Variants in PCDH7 observed in about 807,000 individuals in gnomAD.
The protein encoded by PCDH7 is protocadherin-7.
In PCDH7, 17 loss-of-function variants were observed where a neutral mutation model predicts 58.9. The observed-to-expected ratio is 0.29, with a 90% CI of 0.20 to 0.43. PCDH7 has a LOEUF of 0.43. PCDH7 is among the 20% of genes least tolerant of loss of function. The probability of loss-of-function intolerance (pLI) is 1.00; values close to 1 mark genes in which losing one functional copy is unlikely to be tolerated. For synonymous variants in PCDH7, 664 were observed against 616.4 expected (o/e 1.08, Z -1.14); for missense variants, 1,274 against 1,441.0 (o/e 0.88, Z 1.88).
intron 1 of PCDH7, among the ~76,000 whole-genome samples, chr4:30,773,925 T>C (rs1402221817): frequency 6.6e-6 from 1 of 152,140 alleles, no homozygotes; most frequent in Non-Finnish European, 1.5e-5. Flanking sequence ...TTTTATGACA[T>C]TGGAAGACAA....
At chr4:31,123,877 G>A (rs967785656) in intron 3 of PCDH7, among the ~76,000 whole-genome samples, 1 of 152,008 alleles carries the variant, frequency 6.6e-6, no homozygotes, top group South Asian at 2.1e-4. Context: ...CTCTCCAACC[G>A]TCCCCAGCCA....
At chr4:31,045,360 A>G (rs1459295981) in intron 3 of PCDH7, among the ~76,000 whole-genome samples, 1 of 151,902 alleles carries the variant, frequency 6.6e-6, no homozygotes, top group Non-Finnish European at 1.5e-5. Flanking sequence ...TGTACACAGT[A>G]TCTCTCTCTG....
chr4:30,793,588 T>G (rs570319090), intron 1 of PCDH7, among the ~76,000 whole-genome samples: 1 of 152,154 alleles, frequency 6.6e-6, no homozygotes, highest in South Asian at 2.1e-4. Context: ...CTGTGTCACA[T>G]ACCAGCAGAA....
intron 1 of PCDH7, among the ~76,000 whole-genome samples, chr4:30,760,006 C>G (rs1003127125): frequency 6.6e-6 from 1 of 151,988 alleles, no homozygotes; most frequent in African/African-American, 2.4e-5. Flanking sequence ...CACCTCCTCT[C>G]TACATTGGAA....
chr4:30,819,840 G>C (rs938836626), intron 1 of PCDH7, among the ~76,000 whole-genome samples: 8 of 152,082 alleles, frequency 5.3e-5, no homozygotes, highest in Admixed American at 1.3e-4. Flanking sequence ...GGGCAAATAT[G>C]TGTAATGGTG....
intron 3 of PCDH7, among the ~76,000 whole-genome samples, chr4:31,052,573 C>A (rs1756842801): frequency 6.6e-6 from 1 of 152,110 alleles, no homozygotes; most frequent in Admixed American, 6.6e-5. Flanking sequence ...CCTCAAGACA[C>A]TGTCCCAAAT....
At chr4:30,780,748 A>G (rs1172795097) in intron 1 of PCDH7, among the ~76,000 whole-genome samples, 1 of 152,162 alleles carries the variant, frequency 6.6e-6, no homozygotes. Flanking sequence ...GAGGATGTTC[A>G]GAACAGCCTT....
At chr4:30,761,743 A>G (rs1180060418) in intron 1 of PCDH7, among the ~76,000 whole-genome samples, 1 of 152,246 alleles carries the variant, frequency 6.6e-6, no homozygotes, top group Non-Finnish European at 1.5e-5. Context: ...AAATAAGAAT[A>G]TGCTTTATTT....
chr4:30,822,926 G>A (rs1728558819), intron 1 of PCDH7, among the ~76,000 whole-genome samples: 1 of 152,028 alleles, frequency 6.6e-6, no homozygotes, highest in Non-Finnish European at 1.5e-5. Flanking sequence ...CATTTGCAGC[G>A]TTTTGCGTTT....
intron 1 of PCDH7, among the ~76,000 whole-genome samples, chr4:30,894,839 C>T (rs1025815019): frequency 8.0e-5 from 12 of 150,250 alleles, no homozygotes; most frequent in East Asian, 2.0e-4. Flanking sequence ...TCAACCTATC[C>T]GAAAATCAGA....
chr4:30,730,332 A>G (rs1485084975), intron 1 of PCDH7, among the ~76,000 whole-genome samples: 1 of 152,110 alleles, frequency 6.6e-6, no homozygotes, highest in Non-Finnish European at 1.5e-5. Flanking sequence ...TTTCTAAAGC[A>G]GTGACTCTTT....
At chr4:31,003,324 C>T (rs974548628) in intron 3 of PCDH7, among the ~76,000 whole-genome samples, 18 of 151,724 alleles carry the variant, frequency 1.2e-4, no homozygotes, top group Admixed American at 1.1e-3. Flanking sequence ...TCTAGAGAGA[C>T]ATTGACTTCT....
At chr4:31,098,249 C>T (rs1003172478) in intron 3 of PCDH7, among the ~76,000 whole-genome samples, 4 of 152,274 alleles carry the variant, frequency 2.6e-5, no homozygotes, top group East Asian at 1.9e-4. Context: ...GGTATTTTTG[C>T]TTCTGGTCTC....
chr4:31,097,606 ATATATATATATATATATATATATATAT>A (rs1215379227), intron 3 of PCDH7, among the ~76,000 whole-genome samples: 15 of 32,484 alleles, frequency 4.6e-4, no homozygotes, highest in Non-Finnish European at 6.2e-4. Flanking sequence ...ATATATATAT[ATATATATATATATATATATATATATAT>A]ATATAAATCT....
intron 3 of PCDH7, among the ~76,000 whole-genome samples, chr4:31,077,409 C>CAA (rs36096768): frequency 8.9e-4 from 78 of 87,922 alleles, no homozygotes; most frequent in South Asian, 4.7e-3. Flanking sequence ...AACTCCATCT[C>CAA]AAAAAAAAAA....
chr4:30,910,730 C>G (rs1369988919), intron 1 of PCDH7, among the ~76,000 whole-genome samples: 1 of 152,148 alleles, frequency 6.6e-6, no homozygotes, highest in African/African-American at 2.4e-5. Context: ...TTAGTTCAAC[C>G]ATTCTGGAAG....
chr4:30,751,796 G>A (rs1718559320), intron 1 of PCDH7, among the ~76,000 whole-genome samples: 1 of 151,972 alleles, frequency 6.6e-6, no homozygotes, highest in African/African-American at 2.4e-5. Context: ...TATTTTAATA[G>A]GGCTATACAT....
chr4:31,091,700 T>G (rs1315378558), intron 3 of PCDH7, among the ~76,000 whole-genome samples: 1 of 151,974 alleles, frequency 6.6e-6, no homozygotes, highest in Non-Finnish European at 1.5e-5. Flanking sequence ...TATCAGTTAT[T>G]GTGAGGAACA....
Position 30,722,410 on chromosome 4 carries a change from C to T in PCDH7, c.988C>T (p.Leu330=). Residue 330 remains leucine, a synonymous_variant, in exon 1 of 2, where the codon CTG becomes TTG. Transcript: ENST00000361762. The surrounding 1 kb of genome is among the most constrained non-coding windows in gnomAD (Gnocchi z 7.6). ...CGCCCCGGGGACCCCCATCCTGCAA[C>T]TGCGCGCAGCCGACTTGGACGTGGG... 3 of 1,612,474 alleles carry T rather than the reference C, an allele frequency of 1.9e-6. No individual in the cohort carries two copies. The highest frequency in any genetic ancestry group is 4.5e-5 in the East Asian group (2 of 44,840).
Sources: allele counts gnomAD v4.1 joint callset (sites outside exome capture counted in the v4.1 genomes callset), GRCh38; gene constraint gnomAD v4.1.1; non-coding constraint Gnocchi (gnomAD v3.1); transcripts MANE v1.5; gene names NCBI Gene and HGNC (gene_info 2026-07-23, HGNC 2026-07-21).